SYT14: variants seen among roughly 807,000 people sequenced by gnomAD.
SYT14 encodes the protein synaptotagmin-14.
SYT14 carries 32 observed loss-of-function variants against 74.2 expected under a neutral mutation model. That is an observed-to-expected ratio of 0.43 (90% CI 0.33 to 0.58). The LOEUF (loss-of-function observed/expected upper bound fraction) is 0.58. SYT14 is among the 20% of genes least tolerant of loss of function. The probability of loss-of-function intolerance (pLI) is 0.05; values close to 1 mark genes in which losing one functional copy is unlikely to be tolerated. For missense variants in SYT14, 791 were observed against 981.8 expected (o/e 0.81, Z 2.60); for synonymous variants, 298 against 337.7 (o/e 0.88, Z 1.29).
chr1:210,148,081 TCA>T (rs2083077920), intron 7 of SYT14, among the ~76,000 whole-genome samples: 1 of 150,816 alleles, frequency 6.6e-6, no homozygotes, highest in South Asian at 2.1e-4. Context: ...TACTCAATAC[TCA>T]CACAAACAAA....
chr1:210,130,600 G>A (rs1302786551), intron 7 of SYT14, among the ~76,000 whole-genome samples: 2 of 152,188 alleles, frequency 1.3e-5, no homozygotes, highest in African/African-American at 4.8e-5. Flanking sequence ...TTTTTACGGT[G>A]TATAGTCCCA....
At chr1:210,053,483 C>A (rs763481643) in intron 5 of SYT14, among the ~76,000 whole-genome samples, 3 of 152,100 alleles carry the variant, frequency 2.0e-5, no homozygotes, top group Non-Finnish European at 2.9e-5. Context: ...CTTTACATGA[C>A]CTGACTTTTG....
chr1:210,097,950 G>T (rs2081994679), intron 6 of SYT14, among the ~76,000 whole-genome samples: 1 of 152,144 alleles, frequency 6.6e-6, no homozygotes, highest in Non-Finnish European at 1.5e-5. Flanking sequence ...GCCAAGGCAG[G>T]AGGGTTCCTT....
intron 5 of SYT14, among the ~76,000 whole-genome samples, chr1:210,056,316 C>T (rs965851818): frequency 6.6e-5 from 10 of 151,664 alleles, no homozygotes; most frequent in African/African-American, 2.2e-4. Flanking sequence ...TGAGACCTCA[C>T]CCCCCACCAA....
chr1:209,974,212 T>A (rs1378907968), intron 2 of SYT14, among the ~76,000 whole-genome samples: 1 of 152,178 alleles, frequency 6.6e-6, no homozygotes, highest in Non-Finnish European at 1.5e-5. Context: ...GCTTTTTAGT[T>A]TAGTTAGATC....
At chr1:210,134,945 CTGTGTTCTTAATTTT>C (rs1205602551) in intron 7 of SYT14, among the ~76,000 whole-genome samples, 5 of 151,958 alleles carry the variant, frequency 3.3e-5, no homozygotes, top group African/African-American at 7.3e-5. Context: ...CTCACCGATG[CTGTGTTCTTAATTTT>C]TGTGTTCTTA....
intron 7 of SYT14, among the ~76,000 whole-genome samples, chr1:210,151,652 A>G (rs1014744190): frequency 6.6e-6 from 1 of 152,130 alleles, no homozygotes; most frequent in African/African-American, 2.4e-5. Flanking sequence ...TGGAAGGGAC[A>G]TGAGATTAGC....
chr1:210,159,508 G>A (rs758431617), intron 9 of SYT14, 31 bp downstream of exon 8: 2 of 1,548,310 alleles, frequency 1.3e-6, no homozygotes, highest in African/African-American at 1.4e-5. Flanking sequence ...ATTGGATGTT[G>A]TCTTTTCATG....
At chr1:210,015,041 A>T (rs1290632076) in intron 3 of SYT14, among the ~76,000 whole-genome samples, 3 of 150,282 alleles carry the variant, frequency 2.0e-5, no homozygotes, top group Non-Finnish European at 4.4e-5. Flanking sequence ...TTTTTTAAAA[A>T]AACAAGACTA....
intron 5 of SYT14, among the ~76,000 whole-genome samples, chr1:210,025,543 G>C (rs227229): frequency 0.57 from 86,767 of 151,890 alleles, 26,963 homozygotes; most frequent in African/African-American, 0.83. Context: ...AACCTTTAGT[G>C]TATTTCTCAA....
intron 9 of SYT14, 82 bp downstream of exon 8, chr1:210,159,559 T>C: frequency 8.1e-7 from 1 of 1,240,656 alleles, no homozygotes; most frequent in Admixed American, 2.0e-5. Context: ...AGTGAAGCTG[T>C]CCACCATGTT....
intron 7 of SYT14, among the ~76,000 whole-genome samples, chr1:210,104,051 A>G (rs1205763724): frequency 1.3e-5 from 2 of 152,210 alleles, no homozygotes; most frequent in African/African-American, 2.4e-5. Context: ...AAACCTCAAT[A>G]CAGACTGAAC....
In SYT14 at chr1:209,973,237, T is replaced by A. The variant is rs1572091707; in HGVS notation, c.-486+20481T>A. On this transcript the variant is annotated intron_variant, in intron 2 of 9. Coordinates refer to ENST00000637265, the Ensembl canonical transcript of SYT14. The stretch of plus-strand genomic sequence containing the variant: ...ATTTTATTTTTTATTATACTTTAAG[T>A]TTTAGGGTACATGTGCACAACGTGC... 2.0e-5 allele frequency among the ~76,000 whole-genome samples: 3 copies of A among 152,118 alleles called. No homozygotes were observed. In the East Asian group the frequency reaches 5.8e-4, roughly 29 times the overall value.
chr1:210,167,091 T>C (rs541085425), exon 10 of SYT14: 7 of 152,356 alleles, frequency 4.6e-5, no homozygotes, highest in African/African-American at 1.7e-4. Flanking sequence ...TTCTAAGTTA[T>C]CTTTACAATG....
Position 210,074,233 on chromosome 1 carries a change from A to C in SYT14, c.1313-20089A>C, listed in dbSNP as rs527651005. 5.3e-5 allele frequency among the ~76,000 whole-genome samples: 8 copies of C among 152,356 alleles called. No individual in the cohort carries two copies. In the East Asian group the frequency reaches 1.5e-3, roughly 29 times the overall value. ...CTATGAAGCACTGCGCAAAGCACTT[A>C]AAACATTAACTGAGTTAATCTTCAA... On this transcript the variant is annotated intron_variant, in intron 5 of 9. Transcript: ENST00000637265.
chr1:209,975,600 G>C (rs1272276576), intron 2 of SYT14, among the ~76,000 whole-genome samples: 1 of 152,166 alleles, frequency 6.6e-6, no homozygotes, highest in South Asian at 2.1e-4. Flanking sequence ...GCTGGATTCG[G>C]TTTGCCAGTA....
At chr1:210,129,553 C>T (rs1457498463) in intron 7 of SYT14, among the ~76,000 whole-genome samples, 1 of 152,154 alleles carries the variant, frequency 6.6e-6, no homozygotes. Flanking sequence ...TGAATGGATG[C>T]TAGGGACATA....
At chr1:210,128,427 CTA>C (rs1237037403) in intron 7 of SYT14, among the ~76,000 whole-genome samples, 4 of 151,814 alleles carry the variant, frequency 2.6e-5, no homozygotes, top group Non-Finnish European at 5.9e-5. Flanking sequence ...TAGTAAACAG[CTA>C]TCTTATATTG....
At chr1:210,042,068 G>A (rs1172872784) in intron 5 of SYT14, among the ~76,000 whole-genome samples, 2 of 151,934 alleles carry the variant, frequency 1.3e-5, no homozygotes, top group Admixed American at 6.6e-5. Context: ...CATTCTGAGT[G>A]CATTCTACAG....
Sources: gnomAD v4.1 joint callset for allele counts (sites outside exome capture counted in the v4.1 genomes callset) on GRCh38, gnomAD v4.1.1 for gene constraint, MANE v1.5 for transcripts, NCBI Gene and HGNC (gene_info 2026-07-23, HGNC 2026-07-21) for gene names.